The following PPA1 variants were observed in gnomAD, a reference collection of about 807,000 sequenced individuals.
PPA1 encodes inorganic pyrophosphatase 1.
In PPA1, 23 loss-of-function variants were observed where a neutral mutation model predicts 41.8. That is an observed-to-expected ratio of 0.55 (90% CI 0.40 to 0.78). The LOEUF (loss-of-function observed/expected upper bound fraction) is 0.78, where lower values mean the gene tolerates loss of function less well. Ranked by LOEUF, PPA1 falls within the 30% of genes least tolerant of loss-of-function variation. The probability of loss-of-function intolerance (pLI) is 0.00; values close to 1 mark genes in which losing one functional copy is unlikely to be tolerated. For synonymous variants in PPA1, 101 were observed against 116.8 expected (o/e 0.86, Z 0.87); for missense variants, 320 against 361.6 (o/e 0.89, Z 0.93).
intron 2 of PPA1, among the ~76,000 whole-genome samples, chr10:70,229,587 C>T (rs1309635506): frequency 6.6e-6 from 1 of 152,030 alleles, no homozygotes. Context: ...TGTATTAACT[C>T]TATCTTAACT....
At chr10:70,206,460 C>G in intron 8 of PPA1, 127 bp from the exon 9 acceptor site, 1 of 660,676 alleles carries the variant, frequency 1.5e-6, no homozygotes, top group Non-Finnish European at 2.8e-6. Context: ...GCTTTTTCAC[C>G]TACATTTAAC....
chr10:70,205,363 G>A (rs61336386), intron 9 of PPA1: 8,536 of 148,408 alleles, frequency 0.058, 495 homozygotes, highest in African/African-American at 0.15. Context: ...GCAACAGAGC[G>A]AGACTTGTCT....
chr10:70,207,736 G>A (rs1839962793), intron 8 of PPA1, among the ~76,000 whole-genome samples: 1 of 152,088 alleles, frequency 6.6e-6, no homozygotes. Context: ...GACAAGTCGT[G>A]TATATAATAC....
chr10:70,204,860 A>T lies in PPA1; in HGVS notation c.838+13T>A, dbSNP rs368111831. On this transcript the variant is annotated intron_variant, in intron 10 of 10. Transcript: ENST00000373232. ...TAATGTTTAATGAAATTTTACTGGA[A>T]TAGAAATCTTACCGTCTGTTGGTAC... 4 of 1,574,572 alleles carry T rather than the reference A, an allele frequency of 2.5e-6. No homozygotes were observed. Among genetic ancestry groups the T allele is most frequent in the Non-Finnish European group, 2.6e-6 (3 of 1,154,682 alleles).
At chr10:70,206,860 AGGAGAGGAGGGGAGGGGAGG>A (rs1448086228) in intron 8 of PPA1, among the ~76,000 whole-genome samples, 6 of 37,370 alleles carry the variant, frequency 1.6e-4, no homozygotes, top group South Asian at 1.4e-3. Context: ...AGGAGAGGAG[AGGAGAGGAGGGGAGGGGAGG>A]GGAGGGGAGG....
intron 1 of PPA1, 94 bp from the exon 2 acceptor site, chr10:70,230,493 ACT>A: frequency 3.2e-6 from 4 of 1,239,174 alleles, no homozygotes; most frequent in Non-Finnish European, 4.5e-6. Context: ...AAGGTCCCTT[ACT>A]CTGTCACCCA....
intron 2 of PPA1, among the ~76,000 whole-genome samples, chr10:70,220,637 TATATATAATTTATA>T (rs1564584065): frequency 0.011 from 94 of 8,722 alleles, 15 homozygotes; most frequent in East Asian, 0.086. Context: ...ATATATATAA[TATATATAATTTATA>T]TATATATTAT....
At position 70,220,934 on chromosome 10, in the gene PPA1, CTATATATATAATTTAT is replaced by C. The variant is rs1564584437; in HGVS notation, c.124-2133_124-2118del. ...ATAATATATATAATTTTTATATATA[CTATATATATAATTTAT>C]ATATAATATATATAATTTTTATATA... On this transcript the variant is annotated intron_variant, in intron 2 of 10. Transcript: ENST00000373232. Among the ~76,000 whole-genome samples, 42 of 12,486 alleles carry C rather than the reference CTATATATATAATTTAT, an allele frequency of 3.4e-3. 1 individual carries two copies. The East Asian group carries it at 0.083, about 25-fold the overall frequency. 8.2% of individuals were successfully genotyped at this position (12,486 alleles called of 152,430 possible).
chr10:70,205,926 G>A (rs758926163), intron 9 of PPA1: 3 of 215,412 alleles, frequency 1.4e-5, no homozygotes, highest in African/African-American at 2.2e-5. Flanking sequence ...CTAGAACCAA[G>A]TCAAGTAAAT....
chr10:70,217,998 G>A, intron 3 of PPA1, 67 bp from the exon 4 acceptor site: 3 of 1,344,954 alleles, frequency 2.2e-6, no homozygotes, highest in Non-Finnish European at 3.0e-6. Context: ...AAGGATCTGA[G>A]GAAATGAATT....
At chr10:70,218,684 G>A in intron 3 of PPA1, 80 bp downstream of exon 3, 2 of 1,124,486 alleles carry the variant, frequency 1.8e-6, no homozygotes, top group Non-Finnish European at 2.7e-6. Flanking sequence ...ACGTTCAGAT[G>A]GTTCATCCTT....
At chr10:70,230,464 CA>C (rs1286757306) in intron 1 of PPA1, 65 bp from the exon 2 acceptor site, 1 of 1,467,124 alleles carries the variant, frequency 6.8e-7, no homozygotes, top group African/African-American at 1.4e-5. Context: ...CCACAGTACA[CA>C]TTTTTTTTTT....
chr10:70,219,550 T>C (rs1840112343), intron 2 of PPA1, among the ~76,000 whole-genome samples: 1 of 152,226 alleles, frequency 6.6e-6, no homozygotes, highest in African/African-American at 2.4e-5. Context: ...ACAAAACTCA[T>C]CAGCTTCATT....
chr10:70,217,909 T>C lies in PPA1; in HGVS notation c.200A>G (p.Asn67Ser). ...TTTTTTCACATCTTGTTTAATAGGG[T>C]TTAAAGGGTCCTTTGTAGCAATCTG... ...KMEIATKDPL[N>S]PIKQDVKKGK... The change falls in exon 4 of 11, where the codon AAC (asparagine) becomes AGC (serine). Residue 67 changes from asparagine to serine, a missense_variant. Transcript: ENST00000373232. 1.3e-6 allele frequency: 2 copies of C among 1,588,916 alleles called. No homozygotes were observed. The highest frequency in any genetic ancestry group is 1.7e-6 in the Non-Finnish European group (2 of 1,166,026).
intron 2 of PPA1, among the ~76,000 whole-genome samples, chr10:70,228,146 G>A (rs1840252516): frequency 6.6e-6 from 1 of 152,158 alleles, no homozygotes; most frequent in Non-Finnish European, 1.5e-5. Context: ...TTTGAGCTGG[G>A]ACAGGGCGTG....
At chr10:70,220,210 GTAAGCCACCGCAC>G (rs1840121929) in intron 2 of PPA1, among the ~76,000 whole-genome samples, 1 of 148,948 alleles carries the variant, frequency 6.7e-6, no homozygotes, top group Non-Finnish European at 1.5e-5. Flanking sequence ...GATTACAGGT[GTAAGCCACCGCAC>G]CTGGCCTGCA....
At chr10:70,206,223 G>A (rs1380897473) in intron 9 of PPA1, 41 bp downstream of exon 9, 1 of 1,483,002 alleles carries the variant, frequency 6.7e-7, no homozygotes, top group Non-Finnish European at 9.4e-7. Context: ...ATAGTTTTTA[G>A]CAACCAGGCT....
In PPA1 at chr10:70,229,472, CTT is replaced by C. The variant is rs369703047; in HGVS notation, c.123+867_123+868del. The stretch of plus-strand genomic sequence containing the variant: ...TCTTTTTCCCCTAGAAAAGTAAAGA[CTT>C]TTACAATTTGTGGTAAGCCTACCAA... On this transcript the variant is annotated intron_variant, in intron 2 of 10. Transcript: ENST00000373232. Among the ~76,000 whole-genome samples, 149 of 152,272 alleles carry C rather than the reference CTT, an allele frequency of 9.8e-4. 3 individuals are homozygous for C. The South Asian group carries it at 0.024, about 25-fold the overall frequency.
intron 9 of PPA1, chr10:70,205,886 C>T (rs1839934201): frequency 5.9e-6 from 1 of 170,524 alleles, no homozygotes; most frequent in Non-Finnish European, 1.3e-5. Context: ...TGCAATGGTA[C>T]CTAAAACTTG....
Sources: allele counts gnomAD v4.1 joint callset (sites outside exome capture counted in the v4.1 genomes callset), GRCh38; gene constraint gnomAD v4.1.1; transcripts MANE v1.5; gene names NCBI Gene and HGNC (gene_info 2026-07-23, HGNC 2026-07-21).